The following PGAP4 variants were observed in gnomAD, a reference collection of about 807,000 sequenced individuals.
The protein encoded by PGAP4 is post-GPI attachment to proteins GalNAc transferase 4.
A neutral mutation model predicts 28.2 loss-of-function variants in PGAP4; 12 were observed. The observed-to-expected ratio is 0.42, with a 90% CI of 0.27 to 0.69. PGAP4 has a LOEUF of 0.69. Among genes scored for constraint, PGAP4 ranks in the 30% least tolerant of loss-of-function variants. The probability of loss-of-function intolerance (pLI) is 0.22; values close to 1 mark genes in which losing one functional copy is unlikely to be tolerated. For synonymous variants in PGAP4, 205 were observed against 211.8 expected, an observed-to-expected ratio of 0.97 and a Z score of 0.28; for missense variants, 425 against 513.5, an observed-to-expected ratio of 0.83 and a Z score of 1.67.
At chr9:101,491,450 G>T (rs1274630180), upstream of PGAP4, among the ~76,000 whole-genome samples, 1 of 152,038 alleles carries the variant, frequency 6.6e-6, no homozygotes, top group African/African-American at 2.4e-5. Flanking sequence ...AAATTGATCA[G>T]TACAATTATT....
At chr9:101,479,063 G>A (rs1291007225) in intron 1 of PGAP4, among the ~76,000 whole-genome samples, 1 of 152,006 alleles carries the variant, frequency 6.6e-6, no homozygotes, top group Non-Finnish European at 1.5e-5. Flanking sequence ...AAGAGATCTG[G>A]ATAGTACCCA....
chr9:101,488,019 A>C (rs1826649892), upstream of PGAP4, among the ~76,000 whole-genome samples: 1 of 152,218 alleles, frequency 6.6e-6, no homozygotes, highest in African/African-American at 2.4e-5. Context: ...AAGATAAAGC[A>C]TTAAAGCCAG....
At chr9:101,499,933 C>T (rs1290131170) in intron 2 of PGAP4, among the ~76,000 whole-genome samples, 1 of 151,876 alleles carries the variant, frequency 6.6e-6, no homozygotes, top group African/African-American at 2.4e-5. Context: ...TTATATACAA[C>T]CCTAATTTAA....
chr9:101,480,725 G>T (rs1048110523), intron 1 of PGAP4: 2 of 152,228 alleles, frequency 1.3e-5, no homozygotes, highest in Admixed American at 6.5e-5. Context: ...TGACTGCTTT[G>T]CTGAAAATCC....
chr9:101,490,821 G>GA (rs1175918910), upstream of PGAP4, among the ~76,000 whole-genome samples: 1 of 152,024 alleles, frequency 6.6e-6, no homozygotes, highest in Non-Finnish European at 1.5e-5. Context: ...GGGCTTGGAA[G>GA]AAAAAAATAT....
intron 2 of PGAP4, among the ~76,000 whole-genome samples, chr9:101,514,338 G>T (rs1320911282): frequency 6.6e-6 from 1 of 151,936 alleles, no homozygotes; most frequent in Non-Finnish European, 1.5e-5. Flanking sequence ...CTAAAAATAG[G>T]TTTAACTGAT....
chr9:101,504,497 A>G (rs1449236304), intron 2 of PGAP4, among the ~76,000 whole-genome samples: 1 of 152,026 alleles, frequency 6.6e-6, no homozygotes, highest in African/African-American at 2.4e-5. Flanking sequence ...TGTCTTCCTC[A>G]TAGAGCCTGG....
In PGAP4 at chr9:101,475,594, G is replaced by A. The variant is rs996044086; in HGVS notation, c.*287C>T. The A allele has an allele frequency of 2.5e-6, 1 of 399,738 alleles. No individual in the cohort carries two copies. The highest frequency in any genetic ancestry group is 4.5e-6 in the Non-Finnish European group (1 of 223,854). The allele number at this position is 399,738 out of a possible 1,614,324, so 24.8% of individuals were successfully genotyped here. A position where few individuals can be genotyped will look rare whatever the true frequency, so the allele number is the denominator to read the frequency against. ...ACAAAGCAGAGCTTAAAAACAAATGGAGAATATAATCAGTGTTCAAATGCA... is the reference window on the plus strand; with the variant it reads ...ACAAAGCAGAGCTTAAAAACAAATGAAGAATATAATCAGTGTTCAAATGCA... On this transcript the variant is annotated 3_prime_UTR_variant, in exon 2 of 2. Coordinates refer to ENST00000374848, the MANE Select transcript of PGAP4 (RefSeq NM_032342.3).
chr9:101,533,374 C>T (rs968327832), exon 1 of PGAP4: 3 of 152,218 alleles, frequency 2.0e-5, no homozygotes, highest in African/African-American at 7.2e-5. Flanking sequence ...GGGAAAAAAT[C>T]CCCAACATCT....
intron 2 of PGAP4, among the ~76,000 whole-genome samples, chr9:101,494,598 A>C (rs144804692): frequency 2.9e-3 from 437 of 151,976 alleles, no homozygotes; most frequent in Non-Finnish European, 4.6e-3. Flanking sequence ...TATTAGAGTT[A>C]TGGAAATTTT....
At chr9:101,485,644 C>A (rs1452038621) in intron 1 of PGAP4, among the ~76,000 whole-genome samples, 2 of 152,128 alleles carry the variant, frequency 1.3e-5, no homozygotes, top group African/African-American at 2.4e-5. Context: ...CAAAGACATG[C>A]AAATTAAGAC....
exon 1 of PGAP4, chr9:101,533,147 A>G (rs1445555840): frequency 6.6e-6 from 1 of 152,264 alleles, no homozygotes; most frequent in Non-Finnish European, 1.5e-5. Context: ...TACTGAGATC[A>G]GAGACTGATT....
chr9:101,478,515 G>C (rs1402634107), intron 1 of PGAP4, among the ~76,000 whole-genome samples: 1 of 152,208 alleles, frequency 6.6e-6, no homozygotes, highest in Non-Finnish European at 1.5e-5. Flanking sequence ...TCATATCCAT[G>C]GTCTCCCCTT....
At chr9:101,505,907 G>A (rs1439603039) in intron 2 of PGAP4, among the ~76,000 whole-genome samples, 1 of 152,092 alleles carries the variant, frequency 6.6e-6, no homozygotes, top group Non-Finnish European at 1.5e-5. Flanking sequence ...ATTTTGAAAG[G>A]ACCTTAGAAT....
chr9:101,524,346 C>T (rs1340561170), intron 2 of PGAP4, among the ~76,000 whole-genome samples: 4 of 152,182 alleles, frequency 2.6e-5, no homozygotes, highest in Non-Finnish European at 2.9e-5. Flanking sequence ...CCAACAGCCC[C>T]AGTCTGTTTC....
intron 2 of PGAP4, among the ~76,000 whole-genome samples, chr9:101,507,697 C>T (rs1826859613): frequency 6.6e-6 from 1 of 152,034 alleles, no homozygotes; most frequent in Non-Finnish European, 1.5e-5. Context: ...GAGTAATAAC[C>T]AGACTTTGGG....
intron 2 of PGAP4, among the ~76,000 whole-genome samples, chr9:101,526,545 G>C (rs2118637481): frequency 6.6e-6 from 1 of 152,250 alleles, no homozygotes; most frequent in East Asian, 1.9e-4. Context: ...TGCCTCCTGG[G>C]TTCAAGTGAT....
chr9:101,476,081 G>T lies in PGAP4; in HGVS notation c.1012C>A (p.Leu338Ile). ...PASQCCTPAM[L>I]FPAPAARRTL... Reference sequence around the variant, plus strand: ...CGGCGGGCCGCAGGTGCCGGGAAGAGCATGGCTGGGGTGCAACACTGAGAG... The same window carrying T: ...CGGCGGGCCGCAGGTGCCGGGAAGATCATGGCTGGGGTGCAACACTGAGAG... The change falls in exon 2 of 2, where the codon CTC (leucine) becomes ATC (isoleucine). Residue 338 changes from leucine (L) to isoleucine (I), a missense_variant. Leu to Ile is a conservative substitution (Grantham distance 5). Coordinates refer to ENST00000374848, the MANE Select transcript of PGAP4 (RefSeq NM_032342.3). The surrounding 1 kb of genome is among the most constrained non-coding windows in gnomAD (Gnocchi z 7.0). 1.2e-6 allele frequency: 2 copies of T among 1,614,168 alleles called. No individual in the cohort carries two copies. Among genetic ancestry groups the T allele is most frequent in the Non-Finnish European group, 1.7e-6 (2 of 1,180,028 alleles).
chr9:101,525,578 G>A (rs1388573842), intron 2 of PGAP4, among the ~76,000 whole-genome samples: 1 of 151,502 alleles, frequency 6.6e-6, no homozygotes, highest in Non-Finnish European at 1.5e-5. Flanking sequence ...GTGGTGACAG[G>A]TGCCTGTAAT....
Sources: allele counts gnomAD v4.1 joint callset (sites outside exome capture counted in the v4.1 genomes callset), GRCh38; gene constraint gnomAD v4.1.1; non-coding constraint Gnocchi (gnomAD v3.1); transcripts MANE v1.5; gene names NCBI Gene and HGNC (gene_info 2026-07-23, HGNC 2026-07-21).